LAMA2: variants seen among roughly 807,000 people sequenced by gnomAD.
LAMA2 encodes laminin subunit alpha-2.
A neutral mutation model predicts 364.8 loss-of-function variants in LAMA2; 269 were observed. The ratio of observed to expected loss-of-function variants is 0.74; its 90% CI spans 0.67 to 0.82. LAMA2 has a LOEUF of 0.82. Ranked by LOEUF, LAMA2 falls within the 40% of genes least tolerant of loss-of-function variation. The pLI, the probability that LAMA2 is intolerant of heterozygous loss-of-function variation, is 0.00. For synonymous variants in LAMA2, 1,379 were observed against 1,370.6 expected, an observed-to-expected ratio of 1.01 and a Z score of -0.14; for missense variants, 3,807 against 3,873.2, an observed-to-expected ratio of 0.98 and a Z score of 0.45.
intron 40 of LAMA2, among the ~76,000 whole-genome samples, chr6:129,404,988 C>T (rs1269445022): frequency 1.3e-5 from 2 of 151,970 alleles, no homozygotes; most frequent in East Asian, 1.9e-4. Flanking sequence ...CTACTAATGC[C>T]ATATGTTCTG....
chr6:129,499,842 C>T (rs992355948), intron 58 of LAMA2, among the ~76,000 whole-genome samples: 11 of 152,078 alleles, frequency 7.2e-5, no homozygotes, highest in African/African-American at 1.7e-4. Context: ...CTTGGCCTCC[C>T]GAGTAGCTGG....
chr6:129,456,433 C>A lies in LAMA2; in HGVS notation c.6806C>A (p.Thr2269Lys). The change falls in exon 48 of 65, where the codon ACG becomes AAG. Residue 2269 changes from threonine (T) to lysine (K), a missense_variant. Coordinates refer to ENST00000421865, the MANE Select transcript of LAMA2 (RefSeq NM_000426.4). The part of the protein sequence containing the change: ...THHSTSPPGY[T>K]ILDVDANAML... ...CATTCGACGTCTCCTCCAGGGTACA[C>A]GATTCTAGATGTGGATGCAAATGCA... 1 of 1,613,498 alleles carries A rather than the reference C, an allele frequency of 6.2e-7. No homozygotes were observed. Among genetic ancestry groups the A allele is most frequent in the Non-Finnish European group, 8.5e-7 (1 of 1,179,580 alleles).
At chr6:129,252,898 G>A (rs1467426294) in intron 14 of LAMA2, among the ~76,000 whole-genome samples, 2 of 152,162 alleles carry the variant, frequency 1.3e-5, no homozygotes, top group African/African-American at 4.8e-5. Flanking sequence ...AAGTGATTAA[G>A]CCTTGAGGAA....
At chr6:129,191,031 C>T (rs1363861010) in intron 11 of LAMA2, among the ~76,000 whole-genome samples, 1 of 152,164 alleles carries the variant, frequency 6.6e-6, no homozygotes, top group East Asian at 1.9e-4. Flanking sequence ...GGGAATTTCA[C>T]ACAGCCTGTG....
At chr6:129,376,120 A>G (rs1260135812) in intron 34 of LAMA2, among the ~76,000 whole-genome samples, 1 of 152,164 alleles carries the variant, frequency 6.6e-6, no homozygotes, top group Non-Finnish European at 1.5e-5. Flanking sequence ...TTTCAGGATG[A>G]CATACAGTGC....
chr6:129,175,549 G>A (rs1348060713), intron 9 of LAMA2, among the ~76,000 whole-genome samples: 1 of 152,158 alleles, frequency 6.6e-6, no homozygotes, highest in African/African-American at 2.4e-5. Context: ...GACCATAAGA[G>A]TTTCAAGTTT....
At chr6:129,473,487 C>A in intron 52 of LAMA2, 135 bp downstream of exon 52, 1 of 762,824 alleles carries the variant, frequency 1.3e-6, no homozygotes, top group Non-Finnish European at 2.2e-6. Context: ...TCAAAAACAT[C>A]ATGTTGCATG....
At chr6:129,034,847 A>G (rs1405626296) in intron 1 of LAMA2, among the ~76,000 whole-genome samples, 1 of 152,074 alleles carries the variant, frequency 6.6e-6, no homozygotes, top group Non-Finnish European at 1.5e-5. Flanking sequence ...GTGTTCATAT[A>G]CCACACCACA....
chr6:128,892,064 C>T lies in LAMA2; in HGVS notation c.112+8707C>T, dbSNP rs542882118. Among the ~76,000 whole-genome samples, 9 of 152,094 alleles carry T rather than the reference C, an allele frequency of 5.9e-5. No homozygotes were observed. In the South Asian group the frequency reaches 8.3e-4, roughly 14 times the overall value. On this transcript the variant is annotated intron_variant, in intron 1 of 64. Transcript: ENST00000421865. ...ATACTTGCCAGCTAATCAGTAAATA[C>T]TAGCTCTTTTCTTCTTTATTTTATG...
chr6:129,365,661 C>T (rs1777726931), intron 32 of LAMA2, among the ~76,000 whole-genome samples: 1 of 146,326 alleles, frequency 6.8e-6, no homozygotes, highest in Admixed American at 6.9e-5. Flanking sequence ...CCACACCCGG[C>T]CTTCTTTAGA....
intron 8 of LAMA2, chr6:129,158,545 A>G: frequency 6.2e-7 from 1 of 1,614,074 alleles, no homozygotes; most frequent in South Asian, 1.1e-5. Context: ...TCCTGTTCCA[A>G]ATCACGATTG....
intron 12 of LAMA2, among the ~76,000 whole-genome samples, chr6:129,205,493 T>TGTAC (rs1554244077): frequency 1.4e-4 from 15 of 104,268 alleles, no homozygotes; most frequent in Non-Finnish European, 2.6e-4. Context: ...TATATATATA[T>TGTAC]ACACACACAC....
At chr6:129,413,264 C>G (rs989172755) in intron 40 of LAMA2, among the ~76,000 whole-genome samples, 4 of 151,766 alleles carry the variant, frequency 2.6e-5, no homozygotes, top group Non-Finnish European at 5.9e-5. Context: ...AAATTATGAG[C>G]CTGCAAGGTC....
intron 1 of LAMA2, among the ~76,000 whole-genome samples, chr6:128,983,705 T>C (rs1783035916): frequency 6.6e-6 from 1 of 152,200 alleles, no homozygotes; most frequent in South Asian, 2.1e-4. Flanking sequence ...GCTTTAGAGC[T>C]GAATTTCAAG....
chr6:129,165,829 G>C (rs1162460017), intron 9 of LAMA2, among the ~76,000 whole-genome samples, 154 bp downstream of exon 9: 1 of 152,084 alleles, frequency 6.6e-6, no homozygotes, highest in African/African-American at 2.4e-5. Context: ...CCAGGAAGTA[G>C]TTTTTAAACT....
At chr6:129,431,553 T>C (rs1162990367) in intron 41 of LAMA2, among the ~76,000 whole-genome samples, 1 of 152,116 alleles carries the variant, frequency 6.6e-6, no homozygotes, top group Non-Finnish European at 1.5e-5. Flanking sequence ...AGTTAACCCT[T>C]GACCAATGCA....
At chr6:128,904,817 A>C (rs935329626) in intron 1 of LAMA2, among the ~76,000 whole-genome samples, 8 of 152,144 alleles carry the variant, frequency 5.3e-5, no homozygotes, top group African/African-American at 1.9e-4. Flanking sequence ...AACATGAAAC[A>C]TGTTCTGCAT....
At chr6:129,353,441 C>T (rs1776973728) in intron 32 of LAMA2, 84 bp downstream of exon 32, 16 of 1,124,700 alleles carry the variant, frequency 1.4e-5, no homozygotes, top group Middle Eastern at 2.9e-4. Context: ...TGACTCTCCC[C>T]GCCCGCCTTT....
At chr6:129,241,454 A>C (rs1351440558) in intron 12 of LAMA2, among the ~76,000 whole-genome samples, 1 of 152,224 alleles carries the variant, frequency 6.6e-6, no homozygotes, top group African/African-American at 2.4e-5. Context: ...TTTATTGAAT[A>C]CATGTTATGT....
Sources: allele counts gnomAD v4.1 joint callset (sites outside exome capture counted in the v4.1 genomes callset), GRCh38; gene constraint gnomAD v4.1.1; transcripts MANE v1.5; gene names NCBI Gene and HGNC (gene_info 2026-07-23, HGNC 2026-07-21).